The following CCDC33 variants were observed in gnomAD, a reference collection of about 807,000 sequenced individuals.
The protein encoded by CCDC33 is coiled-coil domain-containing protein 33.
In CCDC33, 94 loss-of-function variants were observed where a neutral mutation model predicts 91.9. That is an observed-to-expected ratio of 1.02 (90% CI 0.87 to 1.21). The LOEUF is 1.21. Among genes scored for constraint, CCDC33 ranks in the 50% most tolerant of loss-of-function variants. The pLI is 0.00. For missense variants in CCDC33, 940 were observed against 935.5 expected, an observed-to-expected ratio of 1.00 and a Z score of -0.06; for synonymous variants, 396 against 374.5, an observed-to-expected ratio of 1.06 and a Z score of -0.66.
chr15:74,313,535 T>A (rs1252690901), intron 11 of CCDC33, among the ~76,000 whole-genome samples: 2 of 147,990 alleles, frequency 1.4e-5, no homozygotes, highest in East Asian at 4.1e-4. Flanking sequence ...TTCTCCTGCC[T>A]CAGCCTCCCA....
At chr15:74,230,954 CT>C (rs1388380289) in intron 2 of CCDC33, among the ~76,000 whole-genome samples, 1 of 152,170 alleles carries the variant, frequency 6.6e-6, no homozygotes, top group East Asian at 1.9e-4. Context: ...GCTGCCAAAT[CT>C]TTTTGCCTAT....
At chr15:74,318,442 G>C in intron 11 of CCDC33, 104 of 508,992 alleles carry the variant, frequency 2.0e-4, no homozygotes, top group East Asian at 1.9e-4. Context: ...ACCCCACCCA[G>C]ACACCCCCCA....
rs1010618149 is a variant in CCDC33 at position 74,311,319 on chromosome 15, T to A, written c.1290+15371T>A. Among the ~76,000 whole-genome samples the A allele has an allele frequency of 1.3e-5, 2 of 151,960 alleles. 1 individual carries two copies. The highest frequency in any genetic ancestry group is 4.8e-5 in the African/African-American group (2 of 41,368). On this transcript the variant is annotated intron_variant, in intron 11 of 18. Transcript: ENST00000398814. ...CCCCCTACCCCAGTGTGTTCTCTCCTGGCCTGGGTGAGGACAACAAATGGG... is the reference window on the plus strand; with the variant it reads ...CCCCCTACCCCAGTGTGTTCTCTCCAGGCCTGGGTGAGGACAACAAATGGG...
At chr15:74,277,472 G>C (rs2142472542) in intron 7 of CCDC33, among the ~76,000 whole-genome samples, 2 of 152,364 alleles carry the variant, frequency 1.3e-5, no homozygotes, top group Non-Finnish European at 2.9e-5. Flanking sequence ...TCCATGGCTG[G>C]GGGTTAATGG....
At chr15:74,209,139 C>T (rs2074328320) in intron 1 of CCDC33, 3 of 1,312,934 alleles carry the variant, frequency 2.3e-6, no homozygotes, top group Non-Finnish European at 2.0e-6. Flanking sequence ...CCACCCCACC[C>T]CCATCTCCAG....
chr15:74,212,724 G>A (rs1324776876), upstream of CCDC33: 1 of 152,176 alleles, frequency 6.6e-6, no homozygotes, highest in African/African-American at 2.4e-5. Flanking sequence ...AGCCTCAGAA[G>A]CAAAAGTGAC....
At chr15:74,318,652 C>T (rs1208708752) in intron 11 of CCDC33, 3 of 770,842 alleles carry the variant, frequency 3.9e-6, no homozygotes, top group Non-Finnish European at 7.3e-6. Context: ...TCATTGACAG[C>T]TTCTCTGTAA....
chr15:74,227,902 A>G (rs1430692846), intron 2 of CCDC33, among the ~76,000 whole-genome samples: 6 of 151,730 alleles, frequency 4.0e-5, no homozygotes, highest in African/African-American at 7.3e-5. Flanking sequence ...GCAGTCCAAG[A>G]GGTCTCGGAG....
chr15:74,310,841 G>A (rs771616277), intron 11 of CCDC33, among the ~76,000 whole-genome samples: 1 of 152,232 alleles, frequency 6.6e-6, no homozygotes, highest in East Asian at 1.9e-4. Context: ...ACAGGCAGGG[G>A]AGGTGGGGGG....
chr15:74,299,446 T>C, intron 11 of CCDC33: 1 of 152,344 alleles, frequency 6.6e-6, no homozygotes, highest in East Asian at 1.9e-4. Flanking sequence ...TAAATGCTTT[T>C]TGGGCAATGG....
At chr15:74,313,321 A>G (rs980386367) in intron 11 of CCDC33, among the ~76,000 whole-genome samples, 16 of 151,872 alleles carry the variant, frequency 1.1e-4, no homozygotes, top group Admixed American at 5.9e-4. Context: ...TGGGCAGCCA[A>G]CATCCCAGCC....
intron 11 of CCDC33, among the ~76,000 whole-genome samples, chr15:74,325,307 G>A (rs531767263): frequency 4.6e-5 from 7 of 151,980 alleles, no homozygotes; most frequent in African/African-American, 1.2e-4. Context: ...GGAAGTCACC[G>A]ACTTTGTTCC....
At chr15:74,214,595 A>G (rs1438439512), upstream of CCDC33, among the ~76,000 whole-genome samples, 1 of 152,162 alleles carries the variant, frequency 6.6e-6, no homozygotes, top group African/African-American at 2.4e-5. Context: ...TCTAGCCCTG[A>G]CTTGCTGAAA....
intron 2 of CCDC33, among the ~76,000 whole-genome samples, chr15:74,252,505 A>G (rs2075740504): frequency 1.3e-5 from 2 of 152,228 alleles, no homozygotes; most frequent in Admixed American, 6.5e-5. Flanking sequence ...GAGCTCGGCT[A>G]TTTACACCCT....
intron 2 of CCDC33, among the ~76,000 whole-genome samples, chr15:74,229,137 C>G (rs999270024): frequency 2.0e-5 from 3 of 152,188 alleles, no homozygotes; most frequent in South Asian, 2.1e-4. Flanking sequence ...GTGATTAAGG[C>G]CACAGTCTCT....
chr15:74,324,955 C>G (rs1442998658), intron 11 of CCDC33, among the ~76,000 whole-genome samples: 1 of 150,278 alleles, frequency 6.7e-6, no homozygotes, highest in Non-Finnish European at 1.5e-5. Context: ...CACTCCTCCC[C>G]CTCCTCCCCC....
chr15:74,221,431 C>A (rs2074593919), intron 2 of CCDC33: 1 of 559,320 alleles, frequency 1.8e-6, no homozygotes, highest in Non-Finnish European at 2.3e-6. Flanking sequence ...TGCTTCTCAG[C>A]CACGGCCCCT....
intron 3 of CCDC33, among the ~76,000 whole-genome samples, chr15:74,266,340 C>A (rs1006137090): frequency 2.2e-4 from 33 of 152,096 alleles, no homozygotes; most frequent in African/African-American, 7.0e-4. Flanking sequence ...GCCTGTGTAT[C>A]TCAGTGTGTG....
chr15:74,238,356 C>A (rs576386408), intron 1 of CCDC33, among the ~76,000 whole-genome samples: 1 of 149,036 alleles, frequency 6.7e-6, no homozygotes, highest in East Asian at 2.0e-4. Flanking sequence ...TGCAGTGAGC[C>A]GAGATAGCAC....
Sources: gnomAD v4.1 joint callset for allele counts (sites outside exome capture counted in the v4.1 genomes callset) on GRCh38, gnomAD v4.1.1 for gene constraint, MANE v1.5 for transcripts, NCBI Gene and HGNC (gene_info 2026-07-23, HGNC 2026-07-21) for gene names.